SAE1: variants seen among roughly 807,000 people sequenced by gnomAD.
SAE1 encodes SUMO-activating enzyme subunit 1.
SAE1 carries 11 observed loss-of-function variants against 40.6 expected under a neutral mutation model. The ratio of observed to expected loss-of-function variants is 0.27; its 90% CI spans 0.17 to 0.45. The LOEUF is 0.45. Ranked by LOEUF, SAE1 falls within the 20% of genes least tolerant of loss-of-function variation. The pLI is 1.00. For synonymous variants in SAE1, 155 were observed against 154.3 expected (o/e 1.00, Z -0.03); for missense variants, 373 against 427.3 (o/e 0.87, Z 1.12).
chr19:47,141,202 A>G (rs1014691287), intron 1 of SAE1, among the ~76,000 whole-genome samples: 4 of 151,832 alleles, frequency 2.6e-5, no homozygotes, highest in African/African-American at 4.8e-5. Context: ...CGGTTTTGCC[A>G]TGTTAGCCAG....
intron 5 of SAE1, among the ~76,000 whole-genome samples, chr19:47,165,686 G>C (rs1160845487): frequency 6.6e-6 from 1 of 152,176 alleles, no homozygotes; most frequent in South Asian, 2.1e-4. Context: ...GGTAAGACAG[G>C]TACCACCTTT....
chr19:47,203,901 C>T lies in SAE1; in HGVS notation c.948+161C>T, dbSNP rs117988750. Among the ~76,000 whole-genome samples the T allele has an allele frequency of 9.5e-3, 1,450 of 152,286 alleles. 13 individuals carry two copies. Among genetic ancestry groups the T allele is most frequent in the South Asian group, 0.015 (72 of 4,826 alleles). On this transcript the variant is annotated intron_variant, in intron 8 of 8. Coordinates refer to ENST00000270225, the MANE Select transcript of SAE1 (RefSeq NM_005500.3). The stretch of plus-strand genomic sequence containing the variant: ...CCACCTCATCCCATTTTCTCTGGCC[C>T]ATCCAGGTGCCATTCAGCAAATGAC...
At chr19:47,135,883 A>G (rs2058176174) in intron 1 of SAE1, among the ~76,000 whole-genome samples, 1 of 151,792 alleles carries the variant, frequency 6.6e-6, no homozygotes, top group African/African-American at 2.4e-5. Flanking sequence ...GGTTCACTGC[A>G]AGCTCCGCCT....
chr19:47,141,324 TAGAG>T (rs2058220567), intron 1 of SAE1, among the ~76,000 whole-genome samples: 1 of 151,952 alleles, frequency 6.6e-6, no homozygotes, highest in Non-Finnish European at 1.5e-5. Context: ...GTATTTTTAG[TAGAG>T]AGGGTGTTTC....
At chr19:47,182,496 T>TGTGCGCGCACGCACGCGC (rs143321323) in intron 6 of SAE1, among the ~76,000 whole-genome samples, 1 of 145,938 alleles carries the variant, frequency 6.9e-6, no homozygotes, top group Non-Finnish European at 1.5e-5. Flanking sequence ...TGTGTGTGTG[T>TGTGCGCGCACGCACGCGC]GCGCGCACGC....
chr19:47,137,230 C>CA (rs60528203), intron 1 of SAE1, among the ~76,000 whole-genome samples: 3 of 151,380 alleles, frequency 2.0e-5, no homozygotes, highest in African/African-American at 7.3e-5. Context: ...ACTAAAAATA[C>CA]AAAAAAAATT....
chr19:47,153,210 T>C (rs1600162487), intron 4 of SAE1, among the ~76,000 whole-genome samples, 170 bp downstream of exon 4: 2 of 152,280 alleles, frequency 1.3e-5, no homozygotes, highest in East Asian at 3.9e-4. Flanking sequence ...CCCAAAGTGC[T>C]GGGATTATAG....
intron 5 of SAE1, among the ~76,000 whole-genome samples, chr19:47,159,373 G>T (rs1343341874): frequency 6.6e-6 from 1 of 151,952 alleles, no homozygotes; most frequent in Non-Finnish European, 1.5e-5. Context: ...TGGCCCTTAG[G>T]TTGCTTGTCT....
At chr19:47,204,190 T>G (rs922418784) in intron 8 of SAE1, among the ~76,000 whole-genome samples, 1 of 119,148 alleles carries the variant, frequency 8.4e-6, no homozygotes, top group Non-Finnish European at 1.8e-5. Flanking sequence ...GCCCTCCCTT[T>G]TTTTTTTTTT....
At chr19:47,139,878 G>C (rs1259495141) in intron 1 of SAE1, among the ~76,000 whole-genome samples, 2 of 150,870 alleles carry the variant, frequency 1.3e-5, no homozygotes, top group African/African-American at 4.9e-5. Flanking sequence ...TGGGATTATA[G>C]GCGTGAGGCA....
chr19:47,191,852 G>A (rs1365321048), intron 6 of SAE1, among the ~76,000 whole-genome samples: 1 of 151,978 alleles, frequency 6.6e-6, no homozygotes, highest in Non-Finnish European at 1.5e-5. Context: ...TCAGGAGATC[G>A]AGACCATCCT....
At position 47,209,326 on chromosome 19, in the gene SAE1, A is replaced by G; in HGVS notation, c.*75A>G. 1 of 1,605,862 alleles carries G rather than the reference A, an allele frequency of 6.2e-7. No homozygotes were observed. Among genetic ancestry groups the G allele is most frequent in the Non-Finnish European group, 8.5e-7 (1 of 1,175,066 alleles). On this transcript the variant is annotated 3_prime_UTR_variant, in exon 9 of 9. Coordinates refer to ENST00000270225, the MANE Select transcript of SAE1 (RefSeq NM_005500.3). Reference sequence around the variant, plus strand: ...TATTCCCTGTCCCCTTCCTTCATGAAGGCATCTCCAGGCAAGGAAAACTGA... The same window carrying G: ...TATTCCCTGTCCCCTTCCTTCATGAGGGCATCTCCAGGCAAGGAAAACTGA...
chr19:47,197,523 C>T (rs2058623896), intron 7 of SAE1, 146 bp downstream of exon 7: 1 of 529,500 alleles, frequency 1.9e-6, no homozygotes, highest in South Asian at 3.8e-5. Context: ...TCTGCCTCTC[C>T]ACTAGAATAG....
chr19:47,193,258 G>A (rs535962448), intron 6 of SAE1, among the ~76,000 whole-genome samples: 14 of 150,876 alleles, frequency 9.3e-5, no homozygotes, highest in African/African-American at 2.2e-4. Context: ...ATGGGGTTTC[G>A]CTGTGTTGGC....
At chr19:47,163,825 G>A (rs1042356386) in intron 5 of SAE1, among the ~76,000 whole-genome samples, 1 of 152,144 alleles carries the variant, frequency 6.6e-6, no homozygotes, top group African/African-American at 2.4e-5. Flanking sequence ...TTGCTTTATT[G>A]CCCAGGCTGG....
chr19:47,176,702 G>A (rs553128217), intron 6 of SAE1, among the ~76,000 whole-genome samples: 2 of 152,308 alleles, frequency 1.3e-5, no homozygotes, highest in South Asian at 4.1e-4. Context: ...CCGCATGCAT[G>A]TGCTTGCCAT....
At chr19:47,139,523 G>A (rs8101491) in intron 1 of SAE1, among the ~76,000 whole-genome samples, 68,856 of 151,396 alleles carry the variant, frequency 0.45, 16,948 homozygotes, top group Non-Finnish European at 0.56. Flanking sequence ...TGGTGGCTCA[G>A]ACTAGAGTGG....
intron 8 of SAE1, among the ~76,000 whole-genome samples, chr19:47,208,565 C>T (rs986699278): frequency 5.3e-5 from 8 of 152,180 alleles, no homozygotes; most frequent in African/African-American, 1.4e-4. Context: ...CTCAGCCTCC[C>T]GAGTAGCATG....
chr19:47,206,787 A>AAT (rs1424835256), intron 8 of SAE1, among the ~76,000 whole-genome samples: 1 of 152,130 alleles, frequency 6.6e-6, no homozygotes, highest in East Asian at 1.9e-4. Flanking sequence ...TATTATTATT[A>AAT]ATAGCAGCTC....
Sources: allele counts gnomAD v4.1 joint callset (sites outside exome capture counted in the v4.1 genomes callset), GRCh38; gene constraint gnomAD v4.1.1; transcripts MANE v1.5; gene names NCBI Gene and HGNC (gene_info 2026-07-23, HGNC 2026-07-21).